NAV1: variants seen among roughly 807,000 people sequenced by gnomAD.
NAV1 encodes the protein pore membrane and/or filament interacting like protein 3.
NAV1 carries 18 observed loss-of-function variants against 175.2 expected under a neutral mutation model. The observed-to-expected ratio is 0.10, with a 90% confidence interval of 0.07 to 0.15. The LOEUF is 0.15. Ranked by LOEUF, NAV1 falls within the 10% of genes least tolerant of loss-of-function variation. NAV1 has a pLI of 1.00. For missense variants in NAV1, 1,731 were observed against 2,436.6 expected, an observed-to-expected ratio of 0.71 and a Z score of 6.10; for synonymous variants, 897 against 978.7, an observed-to-expected ratio of 0.92 and a Z score of 1.56.
In NAV1 at chr1:201,810,592, A is replaced by G. The variant is rs745882347; in HGVS notation, c.4631A>G (p.Tyr1544Cys). The change falls in exon 24 of 30, where the codon TAC (tyrosine) becomes TGC (cysteine). Residue 1544 changes from tyrosine (Y) to cysteine (C), a missense_variant. This residue lies in a region of NAV1 where 115 missense variants were observed against 269.4 expected (regional missense o/e 0.43). Coordinates refer to ENST00000367296, the Ensembl canonical transcript of NAV1. The surrounding 1 kb of genome is among the most constrained non-coding windows in gnomAD (Gnocchi z 6.0). The stretch of plus-strand genomic sequence containing the variant: ...ATCCCCAAGCCGATGATGCAGCACT[A>G]CATAAGCCTCCTGCTGAAGCACCGG... 2 of 1,614,060 alleles carry G rather than the reference A, an allele frequency of 1.2e-6. No individual in the cohort carries two copies. The highest frequency in any genetic ancestry group is 1.7e-6 in the Non-Finnish European group (2 of 1,179,982).
intron 15 of NAV1, among the ~76,000 whole-genome samples, chr1:201,801,769 A>C (rs991607231): frequency 1.8e-4 from 27 of 152,194 alleles, no homozygotes; most frequent in Admixed American, 1.6e-3. Flanking sequence ...TTTAAAAATC[A>C]GATAATATTT....
chr1:201,649,273 A>G (rs1183780627), exon 1 of NAV1: 2 of 1,613,048 alleles, frequency 1.2e-6, no homozygotes, highest in Non-Finnish European at 1.7e-6. Flanking sequence ...TCGGACGACG[A>G]GCTGCTCTCC....
intron 2 of NAV1, among the ~76,000 whole-genome samples, chr1:201,598,949 T>G (rs1008074805): frequency 1.1e-4 from 16 of 152,280 alleles, no homozygotes; most frequent in African/African-American, 3.9e-4. Flanking sequence ...AGATGATCAT[T>G]ATCAGGTGGG....
rs560010232 is a variant in NAV1 at position 201,776,768 on chromosome 1, G to A, written c.1227-3653G>A. On this transcript the variant is annotated intron_variant, in intron 3 of 29. Coordinates refer to ENST00000367296, the Ensembl canonical transcript of NAV1. ...CTAGAAGAGAGAACTGAAAAATGAA[G>A]AGAAAATCATCAAAAAATTTTTGAT... Among the ~76,000 whole-genome samples the A allele has an allele frequency of 1.3e-4, 20 of 151,458 alleles. No individual in the cohort carries two copies. In the South Asian group the frequency reaches 4.0e-3, roughly 30 times the overall value.
chr1:201,676,814 T>G (rs1252717523), intron 1 of NAV1, among the ~76,000 whole-genome samples: 7 of 152,196 alleles, frequency 4.6e-5, no homozygotes, highest in Admixed American at 4.6e-4. Context: ...TTTTTAAGCT[T>G]TGGAATCTGT....
intron 1 of NAV1, among the ~76,000 whole-genome samples, chr1:201,660,465 GGTTTCCCA>G (rs1669566338): frequency 1.3e-5 from 2 of 152,194 alleles, no homozygotes; most frequent in Admixed American, 1.3e-4. Flanking sequence ...GACTCTCTGA[GGTTTCCCA>G]GCCCAGCCTG....
At chr1:201,677,724 C>G (rs1011641500) in intron 1 of NAV1, among the ~76,000 whole-genome samples, 5 of 152,164 alleles carry the variant, frequency 3.3e-5, no homozygotes, top group African/African-American at 1.2e-4. Context: ...GCCTCCCAGG[C>G]ATGGGCGACA....
At chr1:201,742,176 C>G (rs1018180774) in intron 3 of NAV1, among the ~76,000 whole-genome samples, 1 of 152,176 alleles carries the variant, frequency 6.6e-6, no homozygotes, top group Non-Finnish European at 1.5e-5. Context: ...GGAGCTTAGC[C>G]CAAGCCTTTG....
intron 2 of NAV1, among the ~76,000 whole-genome samples, chr1:201,636,987 C>T (rs1668633264): frequency 6.6e-6 from 1 of 152,236 alleles, no homozygotes; most frequent in Non-Finnish European, 1.5e-5. Context: ...CCACCTATCA[C>T]GCCAATGAAT....
chr1:201,568,222 GCCC>G, intron 1 of NAV1, among the ~76,000 whole-genome samples: 1 of 152,186 alleles, frequency 6.6e-6, no homozygotes, highest in Non-Finnish European at 1.5e-5. Flanking sequence ...ATCAGAGCAA[GCCC>G]CTTGCCCAGT....
At chr1:201,563,768 G>C (rs909907896) in intron 1 of NAV1, among the ~76,000 whole-genome samples, 1 of 152,168 alleles carries the variant, frequency 6.6e-6, no homozygotes, top group African/African-American at 2.4e-5. Flanking sequence ...TTTGCAGGCA[G>C]GCAGATCTGG....
At chr1:201,712,592 G>A (rs766758871) in intron 1 of NAV1, among the ~76,000 whole-genome samples, 1 of 152,178 alleles carries the variant, frequency 6.6e-6, no homozygotes, top group Admixed American at 6.5e-5. Context: ...AGCCATGCCT[G>A]TACCCCCTGC....
chr1:201,784,983 T>C (rs574765255), intron 7 of NAV1, among the ~76,000 whole-genome samples: 7 of 152,250 alleles, frequency 4.6e-5, no homozygotes, highest in Non-Finnish European at 1.0e-4. Context: ...TTAGCCAGGA[T>C]GGTCTCGATC....
At chr1:201,769,528 C>T (rs549956852) in intron 3 of NAV1, among the ~76,000 whole-genome samples, 8 of 152,264 alleles carry the variant, frequency 5.3e-5, no homozygotes, top group South Asian at 4.1e-4. Context: ...ACTGAAAAGC[C>T]CTCCAACTCT....
chr1:201,572,682 T>C (rs1558002345), intron 1 of NAV1, among the ~76,000 whole-genome samples: 1 of 152,090 alleles, frequency 6.6e-6, no homozygotes, highest in Non-Finnish European at 1.5e-5. Context: ...TCTAATTTCT[T>C]TTAGCCTTTA....
At chr1:201,729,874 C>G (rs1306414739) in intron 3 of NAV1, among the ~76,000 whole-genome samples, 1 of 152,044 alleles carries the variant, frequency 6.6e-6, no homozygotes, top group African/African-American at 2.4e-5. Flanking sequence ...CCACTGCGCT[C>G]CAGCCTGGGC....
intron 10 of NAV1, 22 bp from the exon 15 acceptor site, chr1:201,789,716 CTT>C (rs1676983730): frequency 6.2e-7 from 1 of 1,613,634 alleles, no homozygotes; most frequent in Non-Finnish European, 8.5e-7. Context: ...ACTGTTAACT[CTT>C]TGTGTTCTCC....
exon 25 of NAV1, chr1:201,811,644 C>T: frequency 6.2e-7 from 1 of 1,614,078 alleles, no homozygotes; most frequent in Non-Finnish European, 8.5e-7. Flanking sequence ...ACCAGATAGA[C>T]CGGGAAACAG....
chr1:201,572,063 G>T (rs1259458524), intron 1 of NAV1, among the ~76,000 whole-genome samples: 1 of 152,204 alleles, frequency 6.6e-6, no homozygotes, highest in African/African-American at 2.4e-5. Context: ...CCAGACAAAA[G>T]GTCCTATATG....
Sources: gnomAD v4.1 joint callset for allele counts (sites outside exome capture counted in the v4.1 genomes callset) on GRCh38, gnomAD v4.1.1 for gene constraint, gnomAD v4.1.1 regional missense constraint, Gnocchi (gnomAD v3.1) non-coding constraint, MANE v1.5 for transcripts, NCBI Gene and HGNC (gene_info 2026-07-23, HGNC 2026-07-21) for gene names.